The following CCDC171 variants were observed in gnomAD, a reference collection of about 807,000 sequenced individuals.
CCDC171 encodes the protein coiled-coil domain-containing protein 171.
Under a neutral mutation model 168.2 loss-of-function variants are expected in CCDC171, and 177 were observed. The ratio of observed to expected loss-of-function variants is 1.05; its 90% CI spans 0.93 to 1.19. CCDC171 has a LOEUF of 1.19. Ranked by LOEUF, CCDC171 falls within the 50% of genes most tolerant of loss-of-function variation. The pLI is 0.00. For synonymous variants in CCDC171, 687 were observed against 540.8 expected, an observed-to-expected ratio of 1.27 and a Z score of -3.75; for missense variants, 1,991 against 1,539.0, an observed-to-expected ratio of 1.29 and a Z score of -4.91.
intron 8 of CCDC171, among the ~76,000 whole-genome samples, chr9:15,665,044 G>A (rs1465579453): frequency 3.9e-5 from 6 of 152,018 alleles, no homozygotes; most frequent in Non-Finnish European, 8.8e-5. Flanking sequence ...CATACCCATC[G>A]CCCAGCTTCA....
At position 15,863,310 on chromosome 9, in the gene CCDC171, T is replaced by C. The variant is rs78585172; in HGVS notation, c.3469-11222T>C. Among the ~76,000 whole-genome samples, 691 of 152,136 alleles carry C rather than the reference T, an allele frequency of 4.5e-3. 3 individuals are homozygous for C. The highest frequency in any genetic ancestry group is 0.016 in the African/African-American group (665 of 41,536). On this transcript the variant is annotated intron_variant, in intron 23 of 25. Coordinates refer to ENST00000380701, the MANE Select transcript of CCDC171 (RefSeq NM_173550.4). ...AGTGGTTTCAATGTGACTGATTTCT[T>C]GTTGCCCAGGTTGCAGGAGCCTCTC...
Position 15,640,300 on chromosome 9 carries a change from C to T in CCDC171, c.823-16827C>T, listed in dbSNP as rs943176881. Among the ~76,000 whole-genome samples, 13 of 152,086 alleles carry T rather than the reference C, an allele frequency of 8.5e-5. 1 individual carries two copies. The highest frequency in any genetic ancestry group is 5.9e-4 in the Admixed American group (9 of 15,266). ...CTCTTCTCTTTTACATGGCAGTTCCCGTGTTCTGAGTCACAAAGCAGCATT... is the reference window on the plus strand; with the variant it reads ...CTCTTCTCTTTTACATGGCAGTTCCTGTGTTCTGAGTCACAAAGCAGCATT... On this transcript the variant is annotated intron_variant, in intron 7 of 25. Coordinates refer to ENST00000380701, the MANE Select transcript of CCDC171 (RefSeq NM_173550.4).
chr9:15,623,111 A>G (rs1294660415), intron 6 of CCDC171, among the ~76,000 whole-genome samples, 156 bp from the exon 7 acceptor site: 1 of 152,202 alleles, frequency 6.6e-6, no homozygotes, highest in East Asian at 1.9e-4. Flanking sequence ...ATTCTGAAAC[A>G]TTGATGGAAA....
chr9:15,556,364 A>G (rs568167455), intron 1 of CCDC171, among the ~76,000 whole-genome samples: 1 of 152,102 alleles, frequency 6.6e-6, no homozygotes, highest in African/African-American at 2.4e-5. Flanking sequence ...CAACGGTGTA[A>G]AAGTGTTCCT....
chr9:15,750,175 A>G (rs1184716049), intron 18 of CCDC171, among the ~76,000 whole-genome samples: 1 of 152,218 alleles, frequency 6.6e-6, no homozygotes, highest in Non-Finnish European at 1.5e-5. Context: ...CTACCATCAG[A>G]GAATGCTATA....
At chr9:15,883,489 G>A (rs2131370540) in intron 24 of CCDC171, among the ~76,000 whole-genome samples, 1 of 152,226 alleles carries the variant, frequency 6.6e-6, no homozygotes, top group Non-Finnish European at 1.5e-5. Context: ...GTTCTATAAA[G>A]TTTTCTTTTT....
chr9:15,985,711 A>G (rs535514006), intron 3 of CCDC171, among the ~76,000 whole-genome samples: 1 of 152,232 alleles, frequency 6.6e-6, no homozygotes, highest in Non-Finnish European at 1.5e-5. Flanking sequence ...CCACCCAAAG[A>G]TGATAATTCA....
intron 23 of CCDC171, among the ~76,000 whole-genome samples, chr9:15,852,607 TTGC>T (rs2061177303): frequency 6.6e-6 from 1 of 151,784 alleles, no homozygotes; most frequent in Non-Finnish European, 1.5e-5. Flanking sequence ...AATTTTTTTC[TTGC>T]TGCTGCTTAT....
chr9:15,743,309 G>A (rs2055024766), intron 16 of CCDC171, among the ~76,000 whole-genome samples: 1 of 151,470 alleles, frequency 6.6e-6, no homozygotes, highest in South Asian at 2.1e-4. Context: ...GTAACTATAG[G>A]TGTACACCAC....
chr9:16,006,043 G>T (rs1396579860), intron 3 of CCDC171, among the ~76,000 whole-genome samples: 2 of 151,992 alleles, frequency 1.3e-5, no homozygotes, highest in Non-Finnish European at 2.9e-5. Context: ...TGTATTTTTA[G>T]TAGAGATGGG....
chr9:15,680,502 T>A (rs554453212), intron 10 of CCDC171, among the ~76,000 whole-genome samples: 1 of 152,300 alleles, frequency 6.6e-6, no homozygotes, highest in East Asian at 1.9e-4. Flanking sequence ...AAGCTAATAA[T>A]AGGATATAGT....
intron 15 of CCDC171, 49 bp downstream of exon 15, chr9:15,728,085 G>C (rs762444711): frequency 1.4e-6 from 2 of 1,436,890 alleles, no homozygotes; most frequent in Non-Finnish European, 1.9e-6. Flanking sequence ...AGTGACATTT[G>C]TCCACATCAC....
At chr9:15,779,241 G>A in intron 20 of CCDC171, 91 bp downstream of exon 20, 14 of 720,348 alleles carry the variant, frequency 1.9e-5, no homozygotes, top group Non-Finnish European at 2.8e-5. Flanking sequence ...GTTATGTGTG[G>A]TTTTTCAAAT....
intron 6 of CCDC171, among the ~76,000 whole-genome samples, chr9:15,595,045 T>A (rs1043410993): frequency 2.0e-5 from 3 of 152,184 alleles, no homozygotes; most frequent in Non-Finnish European, 4.4e-5. Context: ...TTCACAAGAA[T>A]GAAAAATATC....
chr9:15,988,796 C>T (rs1260413489), intron 3 of CCDC171, among the ~76,000 whole-genome samples: 3 of 152,180 alleles, frequency 2.0e-5, no homozygotes, highest in African/African-American at 4.8e-5. Flanking sequence ...GCGCCTGGCT[C>T]GGAGGGTCCC....
Position 15,707,887 on chromosome 9 carries a change from G to A in CCDC171, c.1318+12550G>A, listed in dbSNP as rs144493302. 8.9e-3 allele frequency among the ~76,000 whole-genome samples: 1,347 copies of A among 152,178 alleles called. 14 individuals are homozygous for A. Among genetic ancestry groups the A allele is most frequent in the African/African-American group, 0.031 (1,293 of 41,502 alleles). ...TTTTGAGATGGAGTCTTGCTCTGTC[G>A]CCCAGGCTGAAATGCAGTGGCATGA... On this transcript the variant is annotated intron_variant, in intron 11 of 25. Transcript: ENST00000380701.
intron 11 of CCDC171, among the ~76,000 whole-genome samples, chr9:15,696,750 G>T (rs1030420253): frequency 3.3e-5 from 5 of 152,094 alleles, no homozygotes; most frequent in Non-Finnish European, 1.5e-5. Flanking sequence ...AAAATAGTTG[G>T]TAACAAAGCA....
intron 7 of CCDC171, among the ~76,000 whole-genome samples, chr9:15,655,162 C>A (rs1365751733): frequency 1.8e-5 from 2 of 111,390 alleles, no homozygotes; most frequent in African/African-American, 6.8e-5. Context: ...TTCACATGCA[C>A]CCTCAAACTT....
At chr9:16,105,958 T>C in the CCDC171 span, among the ~76,000 whole-genome samples, 2 of 152,214 alleles carry the variant, frequency 1.3e-5, no homozygotes, top group African/African-American at 2.4e-5. Context: ...AGGCAGGGCA[T>C]CCATTTGCAT....
Sources: allele counts gnomAD v4.1 joint callset (sites outside exome capture counted in the v4.1 genomes callset), GRCh38; gene constraint gnomAD v4.1.1; transcripts MANE v1.5; gene names NCBI Gene and HGNC (gene_info 2026-07-23, HGNC 2026-07-21).